The following THSD4 variants were observed in gnomAD, a reference collection of about 807,000 sequenced individuals.
The protein encoded by THSD4 is thrombospondin type 1 domain containing 4, also known as thrombospondin type-1 domain-containing protein 4.
In THSD4, 69 loss-of-function variants were observed where a neutral mutation model predicts 119.0. That is an observed-to-expected ratio of 0.58 (90% CI 0.48 to 0.71). THSD4 has a LOEUF of 0.71. Among genes scored for constraint, THSD4 ranks in the 30% least tolerant of loss-of-function variants. The pLI is 0.00. For synonymous variants in THSD4, 524 were observed against 540.4 expected (o/e 0.97, Z 0.42); for missense variants, 1,393 against 1,391.1 (o/e 1.00, Z -0.02).
intron 8 of THSD4, among the ~76,000 whole-genome samples, chr15:71,700,662 A>C (rs937855888): frequency 6.6e-6 from 1 of 152,288 alleles, no homozygotes; most frequent in African/African-American, 2.4e-5. Flanking sequence ...AAGATATGAA[A>C]ATTTTATAAG....
At chr15:71,312,667 A>C (rs2045127997) in intron 6 of THSD4, among the ~76,000 whole-genome samples, 1 of 152,096 alleles carries the variant, frequency 6.6e-6, no homozygotes, top group South Asian at 2.1e-4. Flanking sequence ...GCCAAGCCAC[A>C]CATGATCAGT....
rs1384875381 is a variant in THSD4, at chr15:71,780,663, C to T, written c.*3289C>T. 2 of 456,724 alleles carry T rather than the reference C, an allele frequency of 4.4e-6. No individual in the cohort carries two copies. The highest frequency in any genetic ancestry group is 2.3e-5 in the Admixed American group (1 of 42,578). 28.3% of individuals were successfully genotyped at this position (456,724 alleles called of 1,614,324 possible). On this transcript the variant is annotated 3_prime_UTR_variant, in exon 18 of 18. Coordinates refer to ENST00000261862, the MANE Select transcript of THSD4 (RefSeq NM_024817.3). ...CCAGGGAGGGCAAGGCAGCCTGTCC[C>T]CGCCCCCAGGGAACTAGAACATGAC... is the stretch of plus-strand genomic sequence containing the variant.
chr15:71,618,760 T>C (rs1595793631), intron 7 of THSD4, among the ~76,000 whole-genome samples: 3 of 152,108 alleles, frequency 2.0e-5, no homozygotes, highest in African/African-American at 7.2e-5. Flanking sequence ...AAATTATTTG[T>C]AGAGACAGGG....
chr15:71,191,557 G>A (rs550713572), intron 3 of THSD4, among the ~76,000 whole-genome samples: 5 of 152,260 alleles, frequency 3.3e-5, no homozygotes, highest in African/African-American at 7.2e-5. Context: ...TGAATCAGTA[G>A]GCAGGATTAT....
intron 7 of THSD4, among the ~76,000 whole-genome samples, chr15:71,415,254 G>T (rs1382189154): frequency 6.6e-6 from 1 of 152,362 alleles, no homozygotes; most frequent in African/African-American, 2.4e-5. Flanking sequence ...CTCATGAGAG[G>T]AGGGCACTGT....
chr15:71,602,139 G>C (rs2050022399), intron 7 of THSD4, among the ~76,000 whole-genome samples: 1 of 151,538 alleles, frequency 6.6e-6, no homozygotes, highest in Non-Finnish European at 1.5e-5. Context: ...TAAAGAACAG[G>C]GGTGGTCTGG....
intron 8 of THSD4, among the ~76,000 whole-genome samples, chr15:71,675,881 A>G (rs1330771852): frequency 6.6e-6 from 1 of 152,112 alleles, no homozygotes. Flanking sequence ...GTGTCTTCTC[A>G]CTTCCCAGCC....
At chr15:71,309,961 G>A (rs114651717) in intron 6 of THSD4, among the ~76,000 whole-genome samples, 1 of 152,226 alleles carries the variant, frequency 6.6e-6, no homozygotes, top group East Asian at 1.9e-4. Context: ...AGCATTGATG[G>A]CTCTCCACCT....
At chr15:71,483,739 T>A (rs1279287652) in intron 7 of THSD4, among the ~76,000 whole-genome samples, 1 of 151,872 alleles carries the variant, frequency 6.6e-6, no homozygotes, top group Non-Finnish European at 1.5e-5. Flanking sequence ...ATCCTGATGC[T>A]CTCCCCGACC....
Position 71,340,020 on chromosome 15 carries a change from C to T in THSD4, c.1016-71667C>T, listed in dbSNP as rs188754585. 2.0e-3 allele frequency among the ~76,000 whole-genome samples: 311 copies of T among 152,292 alleles called. 1 individual carries two copies. Among genetic ancestry groups the T allele is most frequent in the Middle Eastern group, 0.02 (6 of 294 alleles). Reference sequence around the variant, plus strand: ...CCTCAGGTGATCCGCCCACCTTGCCCTCCCAAAGAGTTGGGAGTACAGACA... The same window carrying T: ...CCTCAGGTGATCCGCCCACCTTGCCTTCCCAAAGAGTTGGGAGTACAGACA... On this transcript the variant is annotated intron_variant, in intron 6 of 17. Transcript: ENST00000261862.
intron 7 of THSD4, among the ~76,000 whole-genome samples, chr15:71,497,468 G>A (rs574400431): frequency 7.3e-5 from 11 of 151,338 alleles, no homozygotes; most frequent in African/African-American, 7.3e-5. Flanking sequence ...AGCCAACGTC[G>A]CACTACAGCA....
chr15:71,150,947 G>A (rs1358131399), intron 2 of THSD4, among the ~76,000 whole-genome samples: 1 of 152,096 alleles, frequency 6.6e-6, no homozygotes, highest in African/African-American at 2.4e-5. Context: ...TAGGTGCTGG[G>A]GAATAAAGTA....
intron 8 of THSD4, among the ~76,000 whole-genome samples, chr15:71,689,478 TG>T (rs1209556245): frequency 9.2e-5 from 14 of 152,198 alleles, no homozygotes; most frequent in Non-Finnish European, 1.6e-4. Flanking sequence ...AAGGAGATCA[TG>T]TTGTATAAAG....
In THSD4 at chr15:71,777,379, C is replaced by A; in HGVS notation, c.*5C>A. 6.2e-7 allele frequency: 1 copy of A among 1,612,538 alleles called. No individual in the cohort carries two copies. Among genetic ancestry groups the A allele is most frequent in the Non-Finnish European group, 8.5e-7 (1 of 1,179,606 alleles). ...GGCTTCCTGGGGAGCAGATAACACT[C>A]CTGCACCCCCATCAGTAGGGCAGCA... On this transcript the variant is annotated 3_prime_UTR_variant, in exon 18 of 18. Transcript: ENST00000261862.
intron 3 of THSD4, among the ~76,000 whole-genome samples, chr15:71,190,724 G>A (rs909536242): frequency 6.6e-6 from 1 of 152,138 alleles, no homozygotes; most frequent in African/African-American, 2.4e-5. Context: ...TCCTAGAATA[G>A]CTAGAAAGGA....
At chr15:71,596,198 G>A (rs1256188854) in intron 7 of THSD4, among the ~76,000 whole-genome samples, 5 of 152,092 alleles carry the variant, frequency 3.3e-5, no homozygotes, top group Admixed American at 3.3e-4. Flanking sequence ...GAAATGTTGG[G>A]GCGACTTCTA....
At chr15:71,256,199 G>A (rs2044314270) in intron 5 of THSD4, among the ~76,000 whole-genome samples, 2 of 152,212 alleles carry the variant, frequency 1.3e-5, no homozygotes, top group African/African-American at 4.8e-5. Context: ...AAGGGGCCCG[G>A]CGCGGTGGCT....
intron 7 of THSD4, among the ~76,000 whole-genome samples, chr15:71,429,132 A>T (rs1366242658): frequency 1.3e-5 from 2 of 152,188 alleles, no homozygotes; most frequent in African/African-American, 4.8e-5. Flanking sequence ...GGTTAAAAGG[A>T]GAAAAGGCAT....
Position 71,738,378 on chromosome 15 carries a change from G to A in THSD4, c.1906+371G>A, listed in dbSNP as rs568043786. On this transcript the variant is annotated intron_variant, in intron 11 of 17. Coordinates refer to ENST00000261862, the MANE Select transcript of THSD4 (RefSeq NM_024817.3). ...GACTGGTGTCGATTGGGGGCCCCTG[G>A]CCCAAGGGAAATGGCAAACCCTCAC... Among the ~76,000 whole-genome samples the A allele has an allele frequency of 1.2e-4, 19 of 152,254 alleles. No individual in the cohort carries two copies. In the East Asian group the frequency reaches 3.7e-3, roughly 29 times the overall value.
Sources: allele counts gnomAD v4.1 joint callset (sites outside exome capture counted in the v4.1 genomes callset), GRCh38; gene constraint gnomAD v4.1.1; transcripts MANE v1.5; gene names NCBI Gene and HGNC (gene_info 2026-07-23, HGNC 2026-07-21).